Variants in CMIP observed in about 807,000 individuals in gnomAD.
CMIP encodes C-Maf-inducing protein.
CMIP carries 13 observed loss-of-function variants against 97.3 expected under a neutral mutation model. The ratio of observed to expected loss-of-function variants is 0.13; its 90% CI spans 0.09 to 0.21. The LOEUF is 0.21. CMIP is among the 10% of genes least tolerant of loss of function. The probability of loss-of-function intolerance (pLI) is 1.00; values close to 1 mark genes in which losing one functional copy is unlikely to be tolerated. For missense variants in CMIP, 847 were observed against 1,024.9 expected (o/e 0.83, Z 2.37); for synonymous variants, 538 against 436.3 (o/e 1.23, Z -2.91).
intron 14 of CMIP, chr16:81,697,280 C>T (rs985015891): frequency 1.3e-5 from 2 of 152,752 alleles, no homozygotes; most frequent in Non-Finnish European, 2.9e-5. Context: ...GAAACAGAGG[C>T]CCACAGAGGT....
At chr16:81,578,437 T>G (rs569539725) in intron 1 of CMIP, among the ~76,000 whole-genome samples, 278 of 152,336 alleles carry the variant, frequency 1.8e-3, no homozygotes, top group Non-Finnish European at 2.9e-3. Flanking sequence ...CTGGGTCTTG[T>G]TACTTTGAAT....
rs771274374 is a variant in CMIP, at chr16:81,678,611, G to A, written c.1371G>A (p.Val457=). The A allele has an allele frequency of 2.8e-5, 45 of 1,580,510 alleles. No individual in the cohort carries two copies. Among genetic ancestry groups the A allele is most frequent in the African/African-American group, 4.0e-5 (3 of 74,380 alleles). The change falls in exon 10 of 21, where the codon GTG becomes GTA. Residue 457 remains valine (V), a synonymous_variant. Coordinates refer to ENST00000537098, the MANE Select transcript of CMIP (RefSeq NM_198390.3). ...CCGACCGCACGCTCGGCTGCTACGT[G>A]GAAATCCTCAAGCTGCTGTGAGTGC... ...PQADRTLGCY[V]EILKLLSDYD...
intron 3 of CMIP, among the ~76,000 whole-genome samples, chr16:81,636,239 GAAAAGTC>G (rs1163587333): frequency 6.6e-6 from 1 of 152,108 alleles, no homozygotes; most frequent in Non-Finnish European, 1.5e-5. Context: ...CTAGACCACT[GAAAAGTC>G]AAAAGTAGTA....
chr16:81,517,698 T>C (rs2089943170), intron 1 of CMIP: 1 of 152,304 alleles, frequency 6.6e-6, no homozygotes, highest in Admixed American at 6.5e-5. Flanking sequence ...AGCCAGTGTG[T>C]CCTTGGAGTC....
At chr16:81,460,656 C>T (rs1206596161) in intron 1 of CMIP, among the ~76,000 whole-genome samples, 3 of 152,168 alleles carry the variant, frequency 2.0e-5, no homozygotes, top group African/African-American at 7.2e-5. Context: ...CATCTGTTTC[C>T]TCCCAGGACC....
intron 1 of CMIP, among the ~76,000 whole-genome samples, chr16:81,456,167 C>T (rs1160963103): frequency 6.6e-6 from 1 of 152,216 alleles, no homozygotes; most frequent in Non-Finnish European, 1.5e-5. Flanking sequence ...GGCAACTGAG[C>T]TCGGGGAGTC....
At chr16:81,619,196 T>TAGACTCAAGCTCCACCAGC (rs2091961001) in intron 2 of CMIP, 1 of 152,232 alleles carries the variant, frequency 6.6e-6, no homozygotes. Flanking sequence ...TGCACTTGGG[T>TAGACTCAAGCTCCACCAGC]AGACTCAAGC....
chr16:81,524,030 G>A (rs889671640), intron 1 of CMIP, among the ~76,000 whole-genome samples: 1 of 152,242 alleles, frequency 6.6e-6, no homozygotes, highest in Admixed American at 6.5e-5. Context: ...GCTCCTTGGA[G>A]TAGGCTTATT....
chr16:81,456,333 A>C (rs1906544022), intron 1 of CMIP, among the ~76,000 whole-genome samples: 1 of 152,212 alleles, frequency 6.6e-6, no homozygotes. Flanking sequence ...AGGCGTTAGC[A>C]GGGGAAATGG....
rs1426959005 is a variant in CMIP at position 81,453,986 on chromosome 16, C to G, written c.300+8445C>G. ...CGATGACTACTCCCACCCCAGCATC[C>G]TTGGGATGCAGCAGCAGATCTTGAG... is the stretch of plus-strand genomic sequence containing the variant. On this transcript the variant is annotated intron_variant, in intron 1 of 20. Coordinates refer to ENST00000537098, the MANE Select transcript of CMIP (RefSeq NM_198390.3). This position sits in a 1 kb window ranked among gnomAD's most constrained non-coding sequence, Gnocchi z 4.0. 6.6e-6 allele frequency among the ~76,000 whole-genome samples: 1 copy of G among 152,170 alleles called. No individual in the cohort carries two copies. Among genetic ancestry groups the G allele is most frequent in the Admixed American group, 6.5e-5 (1 of 15,274 alleles).
At chr16:81,509,176 C>T (rs564313579) in intron 1 of CMIP, among the ~76,000 whole-genome samples, 119 of 152,336 alleles carry the variant, frequency 7.8e-4, no homozygotes, top group Admixed American at 3.6e-3. Context: ...GTGTGCTCCC[C>T]GTGTGGCAGA....
At chr16:81,497,861 C>T (rs921871253) in intron 1 of CMIP, among the ~76,000 whole-genome samples, 6 of 152,246 alleles carry the variant, frequency 3.9e-5, no homozygotes, top group African/African-American at 1.2e-4. Flanking sequence ...GCCCGTGCAG[C>T]GTGGGCTCCT....
intron 1 of CMIP, among the ~76,000 whole-genome samples, chr16:81,502,716 C>G (rs893637156): frequency 1.3e-5 from 2 of 152,176 alleles, no homozygotes; most frequent in African/African-American, 2.4e-5. Context: ...CTTTGTTTGG[C>G]AAATTATGAC....
chr16:81,701,403 G>A (rs78508654), intron 15 of CMIP, among the ~76,000 whole-genome samples: 168 of 152,290 alleles, frequency 1.1e-3, no homozygotes, highest in African/African-American at 4.0e-3. Context: ...TCCAGACACC[G>A]CACGGTAAGC....
At chr16:81,467,158 A>G (rs1309897182) in intron 1 of CMIP, among the ~76,000 whole-genome samples, 1 of 152,170 alleles carries the variant, frequency 6.6e-6, no homozygotes, top group African/African-American at 2.4e-5. Context: ...ATGTGGGCCC[A>G]CGCCCTTGGG....
intron 1 of CMIP, among the ~76,000 whole-genome samples, chr16:81,540,643 AGTGTGTGTGTGTGTGT>A (rs67286788): frequency 3.8e-4 from 54 of 141,986 alleles, no homozygotes; most frequent in African/African-American, 1.2e-3. Flanking sequence ...TCTTGTTTTG[AGTGTGTGTGTGTGTGT>A]GTGTGTGTGT....
At chr16:81,618,480 C>T (rs917383975) in intron 2 of CMIP, 4 of 152,242 alleles carry the variant, frequency 2.6e-5, no homozygotes, top group African/African-American at 9.7e-5. Context: ...TAGGATGGAA[C>T]ATGTTTAGGG....
intron 1 of CMIP, among the ~76,000 whole-genome samples, chr16:81,485,290 T>C (rs990745948): frequency 2.6e-5 from 4 of 152,276 alleles, no homozygotes; most frequent in Admixed American, 1.3e-4. Context: ...CAAGAAATAC[T>C]GCGAACGACT....
intron 18 of CMIP, 123 bp downstream of exon 18, chr16:81,704,208 TCCTGCCCCCTCCCCCTCCTC>T (rs1907770085): frequency 8.4e-6 from 3 of 356,898 alleles, no homozygotes; most frequent in Non-Finnish European, 1.4e-5. Flanking sequence ...TCCCCCTCCT[TCCTGCCCCCTCCCCCTCCTC>T]CCTGCCCCCC....
Sources: allele counts gnomAD v4.1 joint callset (sites outside exome capture counted in the v4.1 genomes callset), GRCh38; gene constraint gnomAD v4.1.1; non-coding constraint Gnocchi (gnomAD v3.1); transcripts MANE v1.5; gene names NCBI Gene and HGNC (gene_info 2026-07-23, HGNC 2026-07-21).